AGT: variants seen among roughly 807,000 people sequenced by gnomAD.
AGT encodes the protein alpha-1 antiproteinase, antitrypsin.
Under a neutral mutation model 28.1 loss-of-function variants are expected in AGT, and 26 were observed. The observed-to-expected ratio is 0.92, with a 90% CI of 0.68 to 1.28. The LOEUF (loss-of-function observed/expected upper bound fraction) is 1.28. Ranked by LOEUF, AGT falls within the 50% of genes most tolerant of loss-of-function variation. The pLI is 0.00. For missense variants in AGT, 596 were observed against 592.3 expected, an observed-to-expected ratio of 1.01 and a Z score of -0.06; for synonymous variants, 259 against 259.6, an observed-to-expected ratio of 1.00 and a Z score of 0.02.
chr1:230,733,378 T>C lies in AGT; in HGVS notation c.-31+12137A>G, dbSNP rs59721350. 1.2e-4 allele frequency among the ~76,000 whole-genome samples: 18 copies of C among 152,306 alleles called. No homozygotes were observed. In the East Asian group the frequency reaches 3.5e-3, roughly 29 times the overall value. On this transcript the variant is annotated intron_variant, in intron 1 of 4. Coordinates refer to the AGT transcript ENST00000681269. ...ACTATCAGCTCTGAAACTCAGTGTT[T>C]CCAAATACACTTTTCCACATTCTCC... is the stretch of plus-strand genomic sequence containing the variant.
intron 1 of AGT, among the ~76,000 whole-genome samples, chr1:230,730,198 G>T (rs1664028141): frequency 6.6e-6 from 1 of 151,860 alleles, no homozygotes; most frequent in Non-Finnish European, 1.5e-5. Context: ...TGGGATTACA[G>T]GTGTGAGCTA....
chr1:230,711,573 C>T (rs540886425), intron 1 of AGT, among the ~76,000 whole-genome samples: 229 of 152,182 alleles, frequency 1.5e-3, no homozygotes, highest in Non-Finnish European at 2.3e-3. Flanking sequence ...GATGCTCATT[C>T]GAGGGCCCTA....
At chr1:230,706,290 C>T (rs1410571831) in intron 2 of AGT, 90 bp from the exon 3 acceptor site, 1 of 1,442,206 alleles carries the variant, frequency 6.9e-7, no homozygotes, top group African/African-American at 1.4e-5. Flanking sequence ...CCAGATCCTG[C>T]CCCTCGCCCT....
At chr1:230,719,822 A>G (rs1465208662) in intron 1 of AGT, among the ~76,000 whole-genome samples, 2 of 152,222 alleles carry the variant, frequency 1.3e-5, no homozygotes, top group African/African-American at 4.8e-5. Context: ...ATTAGCTGAC[A>G]TAATTAGTGA....
chr1:230,739,505 G>A lies in AGT; in HGVS notation c.-31+6010C>T, dbSNP rs116201087. 6.9e-3 allele frequency among the ~76,000 whole-genome samples: 1,055 copies of A among 152,264 alleles called. 13 individuals are homozygous for A. Among genetic ancestry groups the A allele is most frequent in the African/African-American group, 0.022 (924 of 41,544 alleles). Reference sequence around the variant, plus strand: ...GCCCAAAGCTGGGGACCACTGAGAAGAGCAAATGAGTTTCTGAGGTTCGGC... The same window carrying A: ...GCCCAAAGCTGGGGACCACTGAGAAAAGCAAATGAGTTTCTGAGGTTCGGC... On this transcript the variant is annotated intron_variant, in intron 1 of 4. Coordinates refer to the AGT transcript ENST00000681269.
At chr1:230,703,396 G>A in intron 4 of AGT, 67 bp from the exon 5 acceptor site, 1 of 1,570,912 alleles carries the variant, frequency 6.4e-7, no homozygotes, top group South Asian at 1.1e-5. Context: ...CTGAGGGCTA[G>A]AGGGCCGGGG....
At chr1:230,720,000 G>A (rs755626017) in intron 1 of AGT, among the ~76,000 whole-genome samples, 2 of 152,086 alleles carry the variant, frequency 1.3e-5, no homozygotes, top group Non-Finnish European at 2.9e-5. Context: ...TTTAAGGCAG[G>A]GCATAATTTT....
intron 1 of AGT, among the ~76,000 whole-genome samples, chr1:230,730,002 A>G (rs567155283): frequency 6.4e-4 from 97 of 152,158 alleles, no homozygotes; most frequent in Middle Eastern, 3.4e-3. Context: ...TCTACTAAAA[A>G]TACAAAAGAT....
chr1:230,738,432 TATC>T (rs1232900656), intron 1 of AGT, among the ~76,000 whole-genome samples: 1 of 152,378 alleles, frequency 6.6e-6, no homozygotes, highest in East Asian at 1.9e-4. Flanking sequence ...AATAAGTGCT[TATC>T]ATGTTACTTT....
rs181994361 is a variant in AGT at position 230,735,678 on chromosome 1, C to T, written c.-31+9837G>A. On this transcript the variant is annotated intron_variant, in intron 1 of 4. Coordinates refer to the AGT transcript ENST00000681269. ...CAGATGGTGTCACAGGGCTCCCTTC[C>T]TTCCCTGGCTTCCACTCCACAGCTT... is the stretch of plus-strand genomic sequence containing the variant. Among the ~76,000 whole-genome samples the T allele has an allele frequency of 3.6e-3, 550 of 152,212 alleles. 7 individuals are homozygous for T. The highest frequency in any genetic ancestry group is 0.012 in the African/African-American group (494 of 41,520).
chr1:230,707,692 G>C (rs3789666), intron 2 of AGT, among the ~76,000 whole-genome samples: 40,226 of 152,016 alleles, frequency 0.26, 5,748 homozygotes, highest in African/African-American at 0.37. Context: ...TAGTTTAGAG[G>C]GGGGAAAGGG....
intron 3 of AGT, 28 bp downstream of exon 3, chr1:230,705,905 A>T: frequency 6.2e-7 from 1 of 1,613,136 alleles, no homozygotes; most frequent in Non-Finnish European, 8.5e-7. Flanking sequence ...TGGCTCCCAC[A>T]TTCCAGGGGA....
intron 1 of AGT, among the ~76,000 whole-genome samples, chr1:230,740,491 A>G (rs942322546): frequency 6.6e-6 from 1 of 152,170 alleles, no homozygotes; most frequent in African/African-American, 2.4e-5. Context: ...AGGATATTTG[A>G]ACTTTGAAGT....
chr1:230,742,637 CTG>C (rs1664267393), intron 1 of AGT, among the ~76,000 whole-genome samples: 1 of 152,136 alleles, frequency 6.6e-6, no homozygotes, highest in Admixed American at 6.5e-5. Flanking sequence ...CAGTTGAACA[CTG>C]TATCCCAGGG....
At chr1:230,706,790 C>G (rs575365128) in intron 2 of AGT, among the ~76,000 whole-genome samples, 27 of 152,308 alleles carry the variant, frequency 1.8e-4, no homozygotes, top group African/African-American at 6.5e-4. Flanking sequence ...CTTTGAGTCT[C>G]CCTCCTGGTG....
intron 1 of AGT, among the ~76,000 whole-genome samples, chr1:230,730,710 T>TTTTC (rs1486229629): frequency 6.6e-6 from 1 of 152,172 alleles, no homozygotes; most frequent in Non-Finnish European, 1.5e-5. Flanking sequence ...AATGAGAGTG[T>TTTTC]TTTCTTTCTT....
intron 3 of AGT, 120 bp from the exon 4 acceptor site, chr1:230,704,457 A>T (rs1048773872): frequency 7.6e-7 from 1 of 1,312,450 alleles, no homozygotes; most frequent in Non-Finnish European, 1.1e-6. Context: ...TGCTCCCCCC[A>T]TCACCCAACT....
intron 1 of AGT, among the ~76,000 whole-genome samples, chr1:230,723,670 C>T (rs1485144482): frequency 6.6e-6 from 1 of 152,148 alleles, no homozygotes; most frequent in African/African-American, 2.4e-5. Context: ...ATCTAATATG[C>T]TCCATCCATA....
At chr1:230,728,330 C>T (rs150567757) in intron 1 of AGT, among the ~76,000 whole-genome samples, 124 of 152,298 alleles carry the variant, frequency 8.1e-4, no homozygotes, top group South Asian at 4.8e-3. Flanking sequence ...TCAGGCCCCT[C>T]TCATTCTTTT....
Sources: allele counts gnomAD v4.1 joint callset (sites outside exome capture counted in the v4.1 genomes callset), GRCh38; gene constraint gnomAD v4.1.1; transcripts MANE v1.5; gene names NCBI Gene and HGNC (gene_info 2026-07-23, HGNC 2026-07-21).